Variants in DENND5B observed in about 807,000 individuals in gnomAD.
DENND5B encodes the protein DENN domain containing 5B, also known as DENN domain-containing protein 5B.
A neutral mutation model predicts 140.6 loss-of-function variants in DENND5B; 34 were observed. That is an observed-to-expected ratio of 0.24 (90% CI 0.18 to 0.32). The LOEUF (loss-of-function observed/expected upper bound fraction) is 0.32, where lower values mean the gene tolerates loss of function less well. DENND5B is among the 10% of genes least tolerant of loss of function. The probability of loss-of-function intolerance (pLI) is 1.00; values close to 1 mark genes in which losing one functional copy is unlikely to be tolerated. For missense variants in DENND5B, 1,142 were observed against 1,560.2 expected (o/e 0.73, Z 4.52); for synonymous variants, 551 against 562.1 (o/e 0.98, Z 0.28).
At chr12:31,424,780 A>G (rs1284760214) in intron 9 of DENND5B, 93 bp from the exon 10 acceptor site, 2 of 1,485,214 alleles carry the variant, frequency 1.3e-6, no homozygotes, top group East Asian at 2.3e-5. Flanking sequence ...GTTTCCCTTC[A>G]TTATACTTCT....
At chr12:31,561,317 A>G (rs7960380) in intron 1 of DENND5B, among the ~76,000 whole-genome samples, 61,907 of 152,068 alleles carry the variant, frequency 0.41, 13,124 homozygotes, top group East Asian at 0.57. Flanking sequence ...TAGCATACAC[A>G]AATACATTTC....
At chr12:31,531,538 G>A (rs1948282020) in intron 1 of DENND5B, among the ~76,000 whole-genome samples, 1 of 152,154 alleles carries the variant, frequency 6.6e-6, no homozygotes, top group Non-Finnish European at 1.5e-5. Flanking sequence ...ATATACTATG[G>A]TAAAATGATT....
At chr12:31,554,890 C>T (rs1433001582) in intron 1 of DENND5B, among the ~76,000 whole-genome samples, 1 of 152,236 alleles carries the variant, frequency 6.6e-6, no homozygotes, top group Non-Finnish European at 1.5e-5. Flanking sequence ...AGCTCTCGTG[C>T]CTTGGTTTTC....
At chr12:31,560,013 T>C (rs1398827504) in intron 1 of DENND5B, among the ~76,000 whole-genome samples, 1 of 152,214 alleles carries the variant, frequency 6.6e-6, no homozygotes, top group East Asian at 1.9e-4. Flanking sequence ...AGAACATCCA[T>C]GAACTATCCT....
intron 1 of DENND5B, among the ~76,000 whole-genome samples, chr12:31,542,046 G>A (rs964487042): frequency 2.0e-5 from 3 of 152,196 alleles, no homozygotes; most frequent in Admixed American, 2.0e-4. Flanking sequence ...CCAGCACTTT[G>A]GGAGGCCAAA....
intron 3 of DENND5B, among the ~76,000 whole-genome samples, chr12:31,470,483 CAA>C (rs1224910934): frequency 6.6e-6 from 1 of 152,080 alleles, no homozygotes; most frequent in Non-Finnish European, 1.5e-5. Context: ...CTCTTGGGCT[CAA>C]GAGATCTGCC....
chr12:31,484,990 T>C (rs1384638419), intron 2 of DENND5B, among the ~76,000 whole-genome samples: 1 of 152,154 alleles, frequency 6.6e-6, no homozygotes, highest in South Asian at 2.1e-4. Flanking sequence ...TCTAAAGTAC[T>C]TCCCAAAGCC....
chr12:31,437,024 G>A (rs937635734), intron 7 of DENND5B, among the ~76,000 whole-genome samples: 8 of 152,022 alleles, frequency 5.3e-5, no homozygotes, highest in Non-Finnish European at 7.4e-5. Flanking sequence ...CTCAATTATA[G>A]TATCTATCAC....
intron 1 of DENND5B, among the ~76,000 whole-genome samples, chr12:31,509,584 T>G (rs1314131500): frequency 6.6e-6 from 1 of 152,228 alleles, no homozygotes; most frequent in Non-Finnish European, 1.5e-5. Flanking sequence ...TTGGTTGTTT[T>G]AAGTGGCTAA....
chr12:31,517,295 GTTTGT>G (rs1043988820), intron 1 of DENND5B, among the ~76,000 whole-genome samples: 4 of 152,274 alleles, frequency 2.6e-5, no homozygotes, highest in Middle Eastern at 3.4e-3. Context: ...ATAGGCAAAT[GTTTGT>G]TTTGTTTTGT....
Position 31,484,904 on chromosome 12 carries a change from T to C in DENND5B, c.238-4649A>G, listed in dbSNP as rs1029359530. On this transcript the variant is annotated intron_variant, in intron 2 of 20. Coordinates refer to ENST00000389082, the MANE Select transcript of DENND5B (RefSeq NM_144973.4). ...AACAACGAACCATTTCTCAATCAAA[T>C]TGTCATGTGCAACAAAAAGTGGATT... Among the ~76,000 whole-genome samples, 6 of 152,282 alleles carry C rather than the reference T, an allele frequency of 3.9e-5. No homozygotes were observed. The Middle Eastern group carries it at 0.014, about 345-fold the overall frequency.
chr12:31,545,643 A>C (rs1948829974), intron 1 of DENND5B, among the ~76,000 whole-genome samples: 1 of 152,156 alleles, frequency 6.6e-6, no homozygotes, highest in African/African-American at 2.4e-5. Context: ...TCAAATGTTT[A>C]GTGAAAAATC....
At chr12:31,395,234 G>A (rs1367004771) in intron 17 of DENND5B, among the ~76,000 whole-genome samples, 1 of 152,080 alleles carries the variant, frequency 6.6e-6, no homozygotes, top group Non-Finnish European at 1.5e-5. Flanking sequence ...ATGTTATTTT[G>A]TATTCCTACT....
intron 3 of DENND5B, among the ~76,000 whole-genome samples, chr12:31,476,517 A>C (rs1945817909): frequency 6.6e-6 from 1 of 152,024 alleles, no homozygotes; most frequent in Admixed American, 6.6e-5. Flanking sequence ...ATCCCTATAG[A>C]GATGTGGCAA....
At chr12:31,405,194 C>T (rs1252335755) in intron 14 of DENND5B, among the ~76,000 whole-genome samples, 2 of 151,604 alleles carry the variant, frequency 1.3e-5, no homozygotes, top group Non-Finnish European at 2.9e-5. Flanking sequence ...TGAGCCACTG[C>T]ACCTGGCCTG....
intron 1 of DENND5B, among the ~76,000 whole-genome samples, chr12:31,497,399 G>A (rs899848422): frequency 1.3e-5 from 2 of 152,068 alleles, no homozygotes; most frequent in African/African-American, 4.8e-5. Context: ...ATTTCTAGAA[G>A]AGAAATTGTC....
intron 13 of DENND5B, among the ~76,000 whole-genome samples, chr12:31,412,590 T>C (rs1308328232): frequency 6.6e-6 from 1 of 152,146 alleles, no homozygotes; most frequent in African/African-American, 2.4e-5. Flanking sequence ...CGGTAATGCT[T>C]GCTTGCCCTC....
At chr12:31,583,534 C>T (rs911737770) in intron 1 of DENND5B, among the ~76,000 whole-genome samples, 2 of 151,792 alleles carry the variant, frequency 1.3e-5, no homozygotes, top group Non-Finnish European at 1.5e-5. Context: ...AAAAATTAGC[C>T]AGGCATGGTG....
At chr12:31,428,723 T>C (rs1943361919) in intron 8 of DENND5B, among the ~76,000 whole-genome samples, 1 of 151,716 alleles carries the variant, frequency 6.6e-6, no homozygotes, top group Non-Finnish European at 1.5e-5. Flanking sequence ...GCACATCCCA[T>C]GCCCGGCTAA....
Sources: allele counts gnomAD v4.1 joint callset (sites outside exome capture counted in the v4.1 genomes callset), GRCh38; gene constraint gnomAD v4.1.1; transcripts MANE v1.5; gene names NCBI Gene and HGNC (gene_info 2026-07-23, HGNC 2026-07-21).